The following TSHZ2 variants were observed in gnomAD, a reference collection of about 807,000 sequenced individuals.
The protein encoded by TSHZ2 is teashirt homolog 2.
Under a neutral mutation model 74.4 loss-of-function variants are expected in TSHZ2, and 21 were observed. That is an observed-to-expected ratio of 0.28 (90% CI 0.20 to 0.41). The LOEUF is 0.41. TSHZ2 is among the 10% of genes least tolerant of loss of function. The pLI, the probability that TSHZ2 is intolerant of heterozygous loss-of-function variation, is 1.00. For synonymous variants in TSHZ2, 540 were observed against 515.3 expected, an observed-to-expected ratio of 1.05 and a Z score of -0.65; for missense variants, 1,244 against 1,293.5, an observed-to-expected ratio of 0.96 and a Z score of 0.59.
At chr20:53,286,408 C>A (rs1313709258) in intron 2 of TSHZ2, among the ~76,000 whole-genome samples, 1 of 152,222 alleles carries the variant, frequency 6.6e-6, no homozygotes, top group Non-Finnish European at 1.5e-5. Context: ...AAGATGTCTA[C>A]AGTCCTTCAT....
intron 1 of TSHZ2, among the ~76,000 whole-genome samples, chr20:53,120,537 C>CA (rs149170756): frequency 6.6e-6 from 1 of 151,690 alleles, no homozygotes; most frequent in Admixed American, 6.6e-5. Flanking sequence ...TTTTAGAACA[C>CA]AAAAAAAGGT....
chr20:53,257,445 G>A (rs1263650629), intron 2 of TSHZ2, among the ~76,000 whole-genome samples: 1 of 152,182 alleles, frequency 6.6e-6, no homozygotes, highest in Non-Finnish European at 1.5e-5. Flanking sequence ...TGTCATAGAA[G>A]TTCCATGCCT....
chr20:53,115,170 G>A (rs1986637243), intron 1 of TSHZ2, among the ~76,000 whole-genome samples: 1 of 152,154 alleles, frequency 6.6e-6, no homozygotes, highest in Non-Finnish European at 1.5e-5. Flanking sequence ...TTTTCCCCTT[G>A]TGGATCATAC....
At position 53,308,055 on chromosome 20, in the gene TSHZ2, C is replaced by T. The variant is rs75903438; in HGVS notation, c.*8+51484C>T. 1.4e-3 allele frequency among the ~76,000 whole-genome samples: 219 copies of T among 152,272 alleles called. 1 individual carries two copies. The highest frequency in any genetic ancestry group is 4.9e-3 in the African/African-American group (202 of 41,546). On this transcript the variant is annotated intron_variant, in intron 2 of 2. Coordinates refer to ENST00000371497, the MANE Select transcript of TSHZ2 (RefSeq NM_173485.6). ...TTTATTTGCACATATTCTTCTCCCA[C>T]GACATAGTGAACATCTTGAAGGCAG... is the stretch of plus-strand genomic sequence containing the variant.
At chr20:53,082,104 C>G (rs1262232500) in intron 1 of TSHZ2, among the ~76,000 whole-genome samples, 1 of 152,138 alleles carries the variant, frequency 6.6e-6, no homozygotes, top group Middle Eastern at 3.2e-3. Flanking sequence ...AGCTTCAAAG[C>G]ACATTGAACT....
rs191300391 is a variant in TSHZ2, at chr20:53,380,985, T to A, written c.*9-106159T>A. On this transcript the variant is annotated intron_variant, in intron 2 of 2. Coordinates refer to ENST00000371497, the MANE Select transcript of TSHZ2 (RefSeq NM_173485.6). ...CAATTCAGACTGTATTGTGAGTCCA[T>A]CCTATGCAGAATCCTGCGTTTGTGA... is the stretch of plus-strand genomic sequence containing the variant. Among the ~76,000 whole-genome samples the A allele has an allele frequency of 1.8e-3, 274 of 152,316 alleles. 1 individual carries two copies. Among genetic ancestry groups the A allele is most frequent in the Non-Finnish European group, 2.8e-3 (191 of 68,022 alleles).
At chr20:53,396,104 T>C (rs1982436153) in intron 2 of TSHZ2, among the ~76,000 whole-genome samples, 1 of 151,520 alleles carries the variant, frequency 6.6e-6, no homozygotes, top group Admixed American at 6.6e-5. Flanking sequence ...CCTGGCTAAT[T>C]TTTTGTATTT....
chr20:53,341,492 A>ATT (rs569431868), intron 2 of TSHZ2, among the ~76,000 whole-genome samples: 2 of 145,266 alleles, frequency 1.4e-5, no homozygotes, highest in African/African-American at 5.1e-5. Flanking sequence ...TTTTTTCTTT[A>ATT]TTTTTTTTTT....
chr20:53,191,694 C>G (rs1988740922), intron 1 of TSHZ2, among the ~76,000 whole-genome samples: 1 of 152,216 alleles, frequency 6.6e-6, no homozygotes, highest in Non-Finnish European at 1.5e-5. Context: ...CACATCTTCA[C>G]TTTGGAACCC....
chr20:53,295,239 T>A (rs1186057514), intron 2 of TSHZ2, among the ~76,000 whole-genome samples: 1 of 152,160 alleles, frequency 6.6e-6, no homozygotes, highest in South Asian at 2.1e-4. Flanking sequence ...TTATAAAAAA[T>A]TTGCGTTCTG....
chr20:53,469,835 AGG>A, intron 2 of TSHZ2, among the ~76,000 whole-genome samples: 1 of 133,470 alleles, frequency 7.5e-6, no homozygotes, highest in African/African-American at 2.8e-5. Context: ...AGAGAGAGGG[AGG>A]AAGGGAGGGA....
At chr20:53,289,281 T>TGTTTATA (rs1991236455) in intron 2 of TSHZ2, among the ~76,000 whole-genome samples, 1 of 152,216 alleles carries the variant, frequency 6.6e-6, no homozygotes, top group Non-Finnish European at 1.5e-5. Flanking sequence ...AACACGCATG[T>TGTTTATA]GCAAGTGTCT....
At chr20:53,147,741 G>C (rs1987577501) in intron 1 of TSHZ2, among the ~76,000 whole-genome samples, 1 of 151,408 alleles carries the variant, frequency 6.6e-6, no homozygotes, top group Non-Finnish European at 1.5e-5. Context: ...TTTTGAGACA[G>C]AGTCTCATTC....
In TSHZ2 at chr20:53,256,106, T is replaced by G. The variant is rs1460478203; in HGVS notation, c.2648T>G (p.Met883Arg). The G allele has an allele frequency of 6.2e-7, 1 of 1,614,136 alleles. No homozygotes were observed. The highest frequency in any genetic ancestry group is 1.1e-5 in the South Asian group (1 of 91,078). Residue 883 changes from methionine to arginine, a missense_variant, in exon 2 of 3, where the codon ATG (methionine) becomes AGG (arginine). Around this residue, in one of 6 missense-constraint regions of TSHZ2, gnomAD observed 185 missense variants for 213.3 expected, o/e 0.87. Transcript: ENST00000371497. This position sits in a 1 kb window ranked among gnomAD's most constrained non-coding sequence, Gnocchi z 4.3. ...LLSDLGPQER[M>R]QISKFTGLSM... ...TCTGATCTGGGCCCACAAGAGCGTATGCAAATCTCTAAGTTTACGGGACTC... is the reference window on the plus strand; with the variant it reads ...TCTGATCTGGGCCCACAAGAGCGTAGGCAAATCTCTAAGTTTACGGGACTC...
At chr20:53,036,711 G>GTATATTATATATGTATTTATAATA (rs1983832904) in intron 1 of TSHZ2, among the ~76,000 whole-genome samples, 2 of 146,798 alleles carry the variant, frequency 1.4e-5, no homozygotes, top group African/African-American at 5.0e-5. Context: ...GTATATGTAT[G>GTATATTATATATGTATTTATAATA]TATATTATAT....
chr20:53,211,534 G>A (rs1263804722), intron 1 of TSHZ2, among the ~76,000 whole-genome samples: 1 of 151,972 alleles, frequency 6.6e-6, no homozygotes, highest in Non-Finnish European at 1.5e-5. Flanking sequence ...AAACATTGAT[G>A]CATTTAAAGT....
intron 1 of TSHZ2, among the ~76,000 whole-genome samples, chr20:53,023,555 G>A (rs1427934480): frequency 6.6e-6 from 1 of 151,736 alleles, no homozygotes; most frequent in Admixed American, 6.6e-5. Flanking sequence ...TGACAGAGGC[G>A]TTAATACTTG....
chr20:53,003,133 C>A (rs1307445144), intron 1 of TSHZ2, among the ~76,000 whole-genome samples: 1 of 152,142 alleles, frequency 6.6e-6, no homozygotes, highest in Admixed American at 6.5e-5. Flanking sequence ...TTTTTCTAAG[C>A]ACTTCCAGTA....
intron 1 of TSHZ2, among the ~76,000 whole-genome samples, chr20:53,204,842 G>A (rs1229264400): frequency 6.6e-6 from 1 of 152,092 alleles, no homozygotes; most frequent in Non-Finnish European, 1.5e-5. Flanking sequence ...AGCACTTTGG[G>A]AGGCCGAGGC....
Sources: allele counts gnomAD v4.1 joint callset (sites outside exome capture counted in the v4.1 genomes callset), GRCh38; gene constraint gnomAD v4.1.1; regional missense constraint gnomAD v4.1.1; non-coding constraint Gnocchi (gnomAD v3.1); transcripts MANE v1.5; gene names NCBI Gene and HGNC (gene_info 2026-07-23, HGNC 2026-07-21).